Variants in PHACTR1 observed in about 807,000 individuals in gnomAD.
PHACTR1 encodes the protein phosphatase and actin regulator 1, also known as RPEL repeat containing 1.
PHACTR1 carries 16 observed loss-of-function variants against 69.2 expected under a neutral mutation model. The observed-to-expected ratio is 0.23, with a 90% CI of 0.16 to 0.35. The LOEUF is 0.35. Among genes scored for constraint, PHACTR1 ranks in the 10% least tolerant of loss-of-function variants. The probability of loss-of-function intolerance (pLI) is 1.00; values close to 1 mark genes in which losing one functional copy is unlikely to be tolerated. For synonymous variants in PHACTR1, 312 were observed against 284.5 expected, an observed-to-expected ratio of 1.10 and a Z score of -0.97; for missense variants, 510 against 734.7, an observed-to-expected ratio of 0.69 and a Z score of 3.54.
At chr6:13,240,848 T>C (rs1335365242) in intron 10 of PHACTR1, among the ~76,000 whole-genome samples, 1 of 152,234 alleles carries the variant, frequency 6.6e-6, no homozygotes, top group East Asian at 1.9e-4. Flanking sequence ...TAAAGCCTGT[T>C]GCTGTAGATA....
intron 5 of PHACTR1, among the ~76,000 whole-genome samples, chr6:13,112,599 T>C (rs1214921977): frequency 6.6e-6 from 1 of 152,258 alleles, no homozygotes; most frequent in Non-Finnish European, 1.5e-5. Context: ...TATCTCATTG[T>C]GGTTTTGATT....
Position 12,749,637 on chromosome 6 carries a change from C to T in PHACTR1, c.104-7C>T. On this transcript the variant is annotated splice_region_variant and splice_polypyrimidine_tract_variant and intron_variant, in intron 3 of 14. Coordinates refer to ENST00000332995, the MANE Select transcript of PHACTR1 (RefSeq NM_030948.6). ...TCCCTCTCCCTCCGTCTCCTTCTCC[C>T]TCTCAGCTCGCCGGGCGACCCTGCT... 6.2e-7 allele frequency: 1 copy of T among 1,604,898 alleles called. No individual in the cohort carries two copies. The highest frequency in any genetic ancestry group is 8.5e-7 in the Non-Finnish European group (1 of 1,175,996).
chr6:13,230,450 G>A (rs1584101398), intron 10 of PHACTR1: 3 of 667,290 alleles, frequency 4.5e-6, no homozygotes, highest in Non-Finnish European at 6.6e-6. Flanking sequence ...GGAGGCTGAG[G>A]CAGGAGGATT....
chr6:12,981,520 T>A (rs1795523138), intron 4 of PHACTR1, among the ~76,000 whole-genome samples: 1 of 152,240 alleles, frequency 6.6e-6, no homozygotes. Flanking sequence ...CGTGCTTACG[T>A]AGGAAAAATT....
At chr6:13,095,231 G>A (rs758629639) in intron 5 of PHACTR1, among the ~76,000 whole-genome samples, 8 of 152,328 alleles carry the variant, frequency 5.3e-5, no homozygotes, top group South Asian at 2.1e-4. Context: ...GACTGATAAC[G>A]CTATTTCCAA....
chr6:13,182,692 G>T lies in PHACTR1; in HGVS notation c.664+6G>T. On this transcript the variant is annotated splice_donor_region_variant and intron_variant, in intron 7 of 14. Transcript: ENST00000332995. ...AGACATCATGGATGGGCCAGGTAAT[G>T]CCCCGGCAGGATTGTAGAGCAGGTC... 1.3e-6 allele frequency: 2 copies of T among 1,527,588 alleles called. No homozygotes were observed. The highest frequency in any genetic ancestry group is 1.8e-6 in the Non-Finnish European group (2 of 1,141,396). The allele number at this position is 1,527,588 out of a possible 1,614,324, so 94.6% of individuals were successfully genotyped here.
intron 4 of PHACTR1, among the ~76,000 whole-genome samples, chr6:13,047,990 G>A (rs1253000606): frequency 3.3e-5 from 5 of 151,916 alleles, no homozygotes; most frequent in Non-Finnish European, 7.4e-5. Flanking sequence ...AGGTACTTTG[G>A]TTCTTGTCAT....
chr6:13,136,806 A>G (rs1441573036), intron 5 of PHACTR1, among the ~76,000 whole-genome samples: 1 of 152,220 alleles, frequency 6.6e-6, no homozygotes, highest in African/African-American at 2.4e-5. Flanking sequence ...ATGGCAGCTC[A>G]ATGGAACAGT....
chr6:13,140,792 T>C (rs1200836306), intron 5 of PHACTR1, among the ~76,000 whole-genome samples: 1 of 152,242 alleles, frequency 6.6e-6, no homozygotes, highest in Non-Finnish European at 1.5e-5. Context: ...ATTTATAGTC[T>C]ACCAAAATGT....
intron 12 of PHACTR1, among the ~76,000 whole-genome samples, chr6:13,282,512 G>A (rs1439616511): frequency 6.6e-6 from 1 of 152,102 alleles, no homozygotes; most frequent in African/African-American, 2.4e-5. Flanking sequence ...GCATAAATGT[G>A]GCCTTTTTCT....
chr6:12,882,634 AAAC>A (rs1783213495), intron 4 of PHACTR1, among the ~76,000 whole-genome samples: 1 of 152,164 alleles, frequency 6.6e-6, no homozygotes, highest in Non-Finnish European at 1.5e-5. Context: ...TAAAAAGTAA[AAAC>A]AAAAAAAGAA....
At chr6:13,015,632 T>C (rs1800069048) in intron 4 of PHACTR1, among the ~76,000 whole-genome samples, 1 of 152,222 alleles carries the variant, frequency 6.6e-6, no homozygotes. Context: ...TTTATTTAAA[T>C]TAGTGTCTGT....
At chr6:12,799,620 C>A (rs1417504745) in intron 4 of PHACTR1, among the ~76,000 whole-genome samples, 1 of 152,156 alleles carries the variant, frequency 6.6e-6, no homozygotes, top group Non-Finnish European at 1.5e-5. Flanking sequence ...CCTAACCCAG[C>A]CACCATTGCT....
intron 4 of PHACTR1, among the ~76,000 whole-genome samples, chr6:12,864,371 G>A (rs766924790): frequency 2.0e-5 from 3 of 152,120 alleles, no homozygotes; most frequent in Non-Finnish European, 4.4e-5. Flanking sequence ...TGCTGTTTGC[G>A]AACTCCATGT....
At position 13,127,708 on chromosome 6, in the gene PHACTR1, C is replaced by A. The variant is rs569529077; in HGVS notation, c.416-32496C>A. Among the ~76,000 whole-genome samples the A allele has an allele frequency of 2.6e-5, 4 of 152,288 alleles. No homozygotes were observed. The East Asian group carries it at 7.7e-4, about 29-fold the overall frequency. On this transcript the variant is annotated intron_variant, in intron 5 of 14. Transcript: ENST00000332995. Reference sequence around the variant, plus strand: ...TGGTATGTTCTTAAGCCCTTCAACACCCACACTTTTTTCTGGATGCCCATT... The same window carrying A: ...TGGTATGTTCTTAAGCCCTTCAACAACCACACTTTTTTCTGGATGCCCATT...
intron 4 of PHACTR1, among the ~76,000 whole-genome samples, chr6:13,022,402 C>T (rs1331310208): frequency 6.6e-6 from 1 of 152,144 alleles, no homozygotes; most frequent in Non-Finnish European, 1.5e-5. Context: ...GGCCCTCTGC[C>T]TATGTTTGTA....
rs143907102 is a variant in PHACTR1, at chr6:13,153,091, A to G, written c.416-7113A>G. Among the ~76,000 whole-genome samples, 729 of 152,334 alleles carry G rather than the reference A, an allele frequency of 4.8e-3. 2 individuals carry two copies. Among genetic ancestry groups the G allele is most frequent in the African/African-American group, 0.016 (650 of 41,570 alleles). On this transcript the variant is annotated intron_variant, in intron 5 of 14. Coordinates refer to ENST00000332995, the MANE Select transcript of PHACTR1 (RefSeq NM_030948.6). The stretch of plus-strand genomic sequence containing the variant: ...ATAGATTCATTTGGATGTGAAAGGC[A>G]CATTCAAAGAATTCTATTCACTCTC...
intron 10 of PHACTR1, among the ~76,000 whole-genome samples, chr6:13,250,429 G>A (rs1774226376): frequency 6.6e-6 from 1 of 152,122 alleles, no homozygotes; most frequent in South Asian, 2.1e-4. Context: ...GATTATGCTG[G>A]GAATACGGTC....
chr6:13,010,230 C>A (rs1191257544), intron 4 of PHACTR1, among the ~76,000 whole-genome samples: 1 of 152,096 alleles, frequency 6.6e-6, no homozygotes, highest in Non-Finnish European at 1.5e-5. Flanking sequence ...CAGGTTCAAG[C>A]GATTCTCCTG....
Sources: gnomAD v4.1 joint callset for allele counts (sites outside exome capture counted in the v4.1 genomes callset) on GRCh38, gnomAD v4.1.1 for gene constraint, MANE v1.5 for transcripts, NCBI Gene and HGNC (gene_info 2026-07-23, HGNC 2026-07-21) for gene names.